Variants in ALDH1A2 observed in about 807,000 individuals in gnomAD.
The protein encoded by ALDH1A2 is retinal dehydrogenase 2.
In ALDH1A2, 27 loss-of-function variants were observed where a neutral mutation model predicts 60.3. That is an observed-to-expected ratio of 0.45 (90% CI 0.33 to 0.62). The LOEUF (loss-of-function observed/expected upper bound fraction) is 0.62, where lower values mean the gene tolerates loss of function less well. ALDH1A2 is among the 20% of genes least tolerant of loss of function. ALDH1A2 has a pLI of 0.02. For synonymous variants in ALDH1A2, 289 were observed against 232.4 expected (o/e 1.24, Z -2.21); for missense variants, 581 against 643.8 (o/e 0.90, Z 1.06).
chr15:57,989,273 T>C lies in ALDH1A2; in HGVS notation c.798+3432A>G, dbSNP rs61999887. Among the ~76,000 whole-genome samples, 1,262 of 152,250 alleles carry C rather than the reference T, an allele frequency of 8.3e-3. 8 individuals are homozygous for C. Among genetic ancestry groups the C allele is most frequent in the Middle Eastern group, 0.034 (10 of 294 alleles). Reference sequence around the variant, plus strand: ...CAGTGATGAACATTACAACAAATAATTGAAGGGATTTTTATCATATTATAT... The same window carrying C: ...CAGTGATGAACATTACAACAAATAACTGAAGGGATTTTTATCATATTATAT... On this transcript the variant is annotated intron_variant, in intron 7 of 12. Coordinates refer to ENST00000249750, the MANE Select transcript of ALDH1A2 (RefSeq NM_003888.4).
At chr15:58,045,392 G>A (rs1488318742) in intron 1 of ALDH1A2, among the ~76,000 whole-genome samples, 1 of 151,998 alleles carries the variant, frequency 6.6e-6, no homozygotes, top group East Asian at 1.9e-4. Context: ...TCCCATTACT[G>A]GGTATATACC....
At chr15:58,056,017 T>C (rs1258009794) in intron 1 of ALDH1A2, among the ~76,000 whole-genome samples, 1 of 152,138 alleles carries the variant, frequency 6.6e-6, no homozygotes, top group Non-Finnish European at 1.5e-5. Context: ...AAATGAGTGT[T>C]GTATGTGTGT....
intron 1 of ALDH1A2, among the ~76,000 whole-genome samples, chr15:58,024,924 T>C (rs1566952677): frequency 6.6e-6 from 1 of 152,156 alleles, no homozygotes; most frequent in African/African-American, 2.4e-5. Flanking sequence ...TTAAACAACA[T>C]GCTCCTGAAT....
At chr15:57,971,757 G>C (rs1894073403) in intron 7 of ALDH1A2, among the ~76,000 whole-genome samples, 1 of 152,004 alleles carries the variant, frequency 6.6e-6, no homozygotes, top group Admixed American at 6.5e-5. Context: ...CAATAAGCCA[G>C]AATACGAAAA....
chr15:57,957,686 C>CAA (rs573369976), intron 12 of ALDH1A2, among the ~76,000 whole-genome samples: 246 of 152,264 alleles, frequency 1.6e-3, no homozygotes, highest in Admixed American at 0.01. Context: ...TAAGATAAAT[C>CAA]AAACTTGGCA....
chr15:58,037,100 G>A (rs2140550727), intron 1 of ALDH1A2, among the ~76,000 whole-genome samples: 1 of 151,700 alleles, frequency 6.6e-6, no homozygotes, highest in African/African-American at 2.4e-5. Context: ...GGTGCCCCTT[G>A]GATTCTTAAC....
intron 1 of ALDH1A2, among the ~76,000 whole-genome samples, chr15:58,050,989 A>C (rs938315147): frequency 3.9e-5 from 6 of 152,186 alleles, no homozygotes; most frequent in African/African-American, 9.6e-5. Context: ...CAGGAGACTA[A>C]ACATTTGCTT....
intron 3 of ALDH1A2, 107 bp from the exon 4 acceptor site, chr15:58,010,885 G>C: frequency 1.5e-6 from 2 of 1,374,638 alleles, no homozygotes; most frequent in Non-Finnish European, 2.0e-6. Context: ...AATGCATATG[G>C]AGTTGCATAC....
chr15:58,044,677 T>C (rs1896596704), intron 1 of ALDH1A2, among the ~76,000 whole-genome samples: 1 of 152,006 alleles, frequency 6.6e-6, no homozygotes, highest in Admixed American at 6.6e-5. Context: ...ACCAGACTAT[T>C]ACAATCCTCA....
intron 1 of ALDH1A2, among the ~76,000 whole-genome samples, chr15:58,043,190 C>G (rs1896560038): frequency 2.0e-5 from 3 of 151,916 alleles, no homozygotes; most frequent in South Asian, 2.1e-4. Context: ...ACTTATGATA[C>G]AAATCTTGTT....
intron 1 of ALDH1A2, among the ~76,000 whole-genome samples, chr15:58,018,080 G>T (rs1212948782): frequency 1.3e-5 from 2 of 152,044 alleles, no homozygotes; most frequent in African/African-American, 4.8e-5. Context: ...CCCTGACCAG[G>T]GCTCCTTGGA....
intron 1 of ALDH1A2, among the ~76,000 whole-genome samples, chr15:58,026,006 A>G (rs1473711674): frequency 2.0e-5 from 3 of 152,190 alleles, no homozygotes; most frequent in Non-Finnish European, 4.4e-5. Flanking sequence ...TGGGGATCAC[A>G]TTGCCACATG....
chr15:57,987,955 C>T (rs1894765044), intron 7 of ALDH1A2, among the ~76,000 whole-genome samples: 1 of 149,578 alleles, frequency 6.7e-6, no homozygotes, highest in Non-Finnish European at 1.5e-5. Flanking sequence ...GAGAAGTCAT[C>T]ACTAGTAGAC....
intron 9 of ALDH1A2, among the ~76,000 whole-genome samples, chr15:57,963,344 A>ATT (rs1893788996): frequency 8.0e-5 from 10 of 124,914 alleles, no homozygotes; most frequent in Non-Finnish European, 1.8e-4. Flanking sequence ...AGGTCAGAAT[A>ATT]TTCTTTTTTT....
At chr15:58,065,150 C>A in intron 1 of ALDH1A2, 1 of 293,728 alleles carries the variant, frequency 3.4e-6, no homozygotes, top group Non-Finnish European at 6.6e-6. Context: ...AGGCGACGGC[C>A]AGGCTGCGTG....
chr15:58,046,287 T>C (rs1320543821), intron 1 of ALDH1A2, among the ~76,000 whole-genome samples: 1 of 152,074 alleles, frequency 6.6e-6, no homozygotes, highest in Admixed American at 6.6e-5. Context: ...CGCTGGTTTA[T>C]ACAATTTTAC....
intron 1 of ALDH1A2, among the ~76,000 whole-genome samples, chr15:58,048,246 G>C (rs1288308122): frequency 6.6e-6 from 1 of 152,034 alleles, no homozygotes; most frequent in Non-Finnish European, 1.5e-5. Context: ...GCCAGAGTAA[G>C]CAGCTGGGTA....
At chr15:57,973,753 C>G (rs1894147230) in intron 7 of ALDH1A2, among the ~76,000 whole-genome samples, 1 of 152,162 alleles carries the variant, frequency 6.6e-6, no homozygotes, top group South Asian at 2.1e-4. Flanking sequence ...AAGAGATAAC[C>G]TAGAAGTCAC....
intron 7 of ALDH1A2, among the ~76,000 whole-genome samples, chr15:57,979,158 G>C (rs1438924424): frequency 3.9e-5 from 6 of 152,108 alleles, no homozygotes; most frequent in Non-Finnish European, 8.8e-5. Flanking sequence ...AGGTCTGTTG[G>C]CCTGAGGGTC....
Sources: gnomAD v4.1 joint callset for allele counts (sites outside exome capture counted in the v4.1 genomes callset) on GRCh38, gnomAD v4.1.1 for gene constraint, MANE v1.5 for transcripts, NCBI Gene and HGNC (gene_info 2026-07-23, HGNC 2026-07-21) for gene names.